MSN: variants seen among roughly 807,000 people sequenced by gnomAD.
MSN encodes moesin.
A neutral mutation model predicts 48.0 loss-of-function variants in MSN; 2 were observed. The ratio of observed to expected loss-of-function variants is 0.04; its 90% confidence interval spans 0.02 to 0.13. The LOEUF (loss-of-function observed/expected upper bound fraction) is 0.13, where lower values mean the gene tolerates loss of function less well. Ranked by LOEUF, MSN falls within the 10% of genes least tolerant of loss-of-function variation. MSN has a pLI of 1.00. For missense variants in MSN, 267 were observed against 470.1 expected, an observed-to-expected ratio of 0.57 and a Z score of 3.99; for synonymous variants, 146 against 166.9, an observed-to-expected ratio of 0.87 and a Z score of 0.97.
chrX:65,598,230 AAG>A (rs2070202353), intron 1 of MSN, among the ~76,000 whole-genome samples: 1 of 111,027 alleles, frequency 9.0e-6, no homozygotes, highest in Non-Finnish European at 1.9e-5. Context: ...AAAAGAAAGA[AAG>A]AGGTGGGGTC....
At chrX:65,617,187 G>T (rs2070382227) in intron 1 of MSN, among the ~76,000 whole-genome samples, 1 of 106,337 alleles carries the variant, frequency 9.4e-6, no homozygotes, top group African/African-American at 3.9e-5. Flanking sequence ...TTGTGTCTGT[G>T]CCTGGCTTTG....
At chrX:65,620,143 G>A (rs71458141) in intron 1 of MSN, among the ~76,000 whole-genome samples, 1 of 112,606 alleles carries the variant, frequency 8.9e-6, no homozygotes, top group Admixed American at 9.4e-5. Context: ...AGTCTGCAGA[G>A]GTTACTGCTG....
At chrX:65,639,108 G>A (rs1042986851) in intron 1 of MSN, among the ~76,000 whole-genome samples, 2 of 112,121 alleles carry the variant, frequency 1.8e-5, no homozygotes, top group Non-Finnish European at 3.8e-5. Context: ...TTTTTCAGAA[G>A]AATCAATAGA....
intron 8 of MSN, among the ~76,000 whole-genome samples, chrX:65,736,231 G>A (rs1013674124): frequency 4.5e-5 from 5 of 111,243 alleles, no homozygotes; most frequent in Admixed American, 9.5e-5. Context: ...ACATAGCTAA[G>A]GTCACCCAGT....
intron 1 of MSN, among the ~76,000 whole-genome samples, chrX:65,611,045 A>T (rs2070315030): frequency 9.0e-6 from 1 of 111,660 alleles, no homozygotes; most frequent in Non-Finnish European, 1.9e-5. Context: ...TTGCCCTTCC[A>T]CCAGGCCTAG....
At chrX:65,733,160 T>G in intron 6 of MSN, 24 bp from the exon 7 acceptor site, 1 of 1,154,737 alleles carries the variant, frequency 8.7e-7, no homozygotes, top group South Asian at 1.8e-5. Context: ...CTTGTCCTGA[T>G]GTTATTGGTT....
chrX:65,727,085 T>A (rs1752612779), intron 2 of MSN, among the ~76,000 whole-genome samples: 1 of 111,708 alleles, frequency 9.0e-6, no homozygotes, highest in South Asian at 3.7e-4. Flanking sequence ...GAATCATGAC[T>A]TGGCTCTGAT....
chrX:65,650,995 G>A (rs952719639), intron 1 of MSN, among the ~76,000 whole-genome samples: 3 of 111,662 alleles, frequency 2.7e-5, no homozygotes, highest in Admixed American at 1.9e-4. Context: ...TATAAAGACC[G>A]TTGTGATTAC....
chrX:65,662,516 C>T (rs755816250), intron 1 of MSN, among the ~76,000 whole-genome samples: 51 of 111,550 alleles, frequency 4.6e-4, no homozygotes, highest in Non-Finnish European at 7.7e-4. Context: ...TTGACGAGGT[C>T]GACAAAAACA....
chrX:65,593,098 C>A (rs957787478), intron 1 of MSN, among the ~76,000 whole-genome samples: 3 of 111,197 alleles, frequency 2.7e-5, no homozygotes, highest in African/African-American at 9.8e-5. Flanking sequence ...TTTTTCCAAA[C>A]ACTTTTTAGT....
chrX:65,602,986 C>G lies in MSN; in HGVS notation c.-22+14374C>G, dbSNP rs189950842. ...GGCCAGGGAGGGGAAACAACGTGCT[C>G]AAGGTTACACAGAAAGTGAATTCCA... is the stretch of plus-strand genomic sequence containing the variant. On this transcript the variant is annotated intron_variant, in intron 1 of 3. Transcript: ENST00000609672. Among the ~76,000 whole-genome samples, 5 of 111,804 alleles carry G rather than the reference C, an allele frequency of 4.5e-5. No individual in the cohort carries two copies. In the East Asian group the frequency reaches 1.1e-3, roughly 25 times the overall value.
chrX:65,722,054 C>T (rs767379617), intron 2 of MSN, among the ~76,000 whole-genome samples: 22 of 112,009 alleles, frequency 2.0e-4, no homozygotes, highest in Admixed American at 1.9e-3. Context: ...TGCACTCCAG[C>T]TTGGTTAACA....
chrX:65,641,550 G>GTATA (rs1168302693), intron 1 of MSN, among the ~76,000 whole-genome samples: 46 of 15,382 alleles, frequency 3.0e-3, no homozygotes, highest in South Asian at 0.013. Flanking sequence ...AAAAAGTGAA[G>GTATA]TATATATATA....
chrX:65,696,709 G>A (rs1197481123), intron 1 of MSN, among the ~76,000 whole-genome samples: 1 of 111,425 alleles, frequency 9.0e-6, no homozygotes, highest in East Asian at 2.8e-4. Flanking sequence ...TTGTATTATT[G>A]CAGGATAGGT....
rs1389943334 is a variant in MSN at position 65,739,746 on chromosome X, G to A, written c.1587G>A (p.Leu529=). The change falls in exon 13 of 13, where the codon CTG becomes CTA. Residue 529 remains leucine, a synonymous_variant. Coordinates refer to ENST00000360270, the MANE Select transcript of MSN (RefSeq NM_002444.3). ...CCTCACAGGCCCTCACTTCGGAGCTGGCCAATGCCAGAGATGAGTCCAAGA... is the reference window on the plus strand; with the variant it reads ...CCTCACAGGCCCTCACTTCGGAGCTAGCCAATGCCAGAGATGAGTCCAAGA... ...QKHLKALTSE[L]ANARDESKKT... 5.0e-6 allele frequency: 6 copies of A among 1,208,000 alleles called. No homozygotes were observed. The East Asian group carries it at 1.5e-4, about 30-fold the overall frequency.
At chrX:65,667,210 A>T (rs1025060207), upstream of MSN, among the ~76,000 whole-genome samples, 3 of 112,099 alleles carry the variant, frequency 2.7e-5, no homozygotes, top group East Asian at 5.6e-4. Context: ...AGCAGAACTG[A>T]GATCCATGGA....
Position 65,740,879 on chromosome X carries a change from T to C in MSN, c.*986T>C, listed in dbSNP as rs184726509. 5.9e-6 allele frequency: 1 copy of C among 169,653 alleles called. No individual in the cohort carries two copies. The highest frequency in any genetic ancestry group is 1.1e-5 in the Non-Finnish European group (1 of 88,722). The allele number at this position is 169,653 out of a possible 1,213,427, so 14.0% of individuals were successfully genotyped here. ...CGTCAGTATTTTCCCTGCTAGGGGT[T>C]TTAGGTCTCTTCCCCTCTCAGAGCT... On this transcript the variant is annotated 3_prime_UTR_variant, in exon 13 of 13. Transcript: ENST00000360270.
At chrX:65,590,050 T>A (rs1206471702) in intron 1 of MSN, among the ~76,000 whole-genome samples, 1 of 110,000 alleles carries the variant, frequency 9.1e-6, no homozygotes, top group African/African-American at 3.3e-5. Flanking sequence ...TATTTAGAGG[T>A]TTCACCATGT....
intron 1 of MSN, among the ~76,000 whole-genome samples, chrX:65,700,326 G>C (rs986701138): frequency 1.8e-5 from 2 of 111,728 alleles, no homozygotes; most frequent in African/African-American, 3.3e-5. Flanking sequence ...CTAGAGCCCA[G>C]GGTTTCTGTC....
Sources: gnomAD v4.1 joint callset for allele counts (sites outside exome capture counted in the v4.1 genomes callset) on GRCh38, gnomAD v4.1.1 for gene constraint, MANE v1.5 for transcripts, NCBI Gene and HGNC (gene_info 2026-07-23, HGNC 2026-07-21) for gene names.